SLC35F4: variants seen among roughly 807,000 people sequenced by gnomAD.
SLC35F4 encodes solute carrier family 35 member F4, also known as chromosome 14 open reading frame 36.
Under a neutral mutation model 44.2 loss-of-function variants are expected in SLC35F4, and 24 were observed. The ratio of observed to expected loss-of-function variants is 0.54; its 90% confidence interval spans 0.39 to 0.76. SLC35F4 has a LOEUF of 0.76. SLC35F4 is among the 30% of genes least tolerant of loss of function. The probability of loss-of-function intolerance (pLI) is 0.00; values close to 1 mark genes in which losing one functional copy is unlikely to be tolerated. For synonymous variants in SLC35F4, 238 were observed against 223.6 expected (o/e 1.06, Z -0.57); for missense variants, 562 against 586.1 (o/e 0.96, Z 0.42).
chr14:57,873,134 G>A (rs1287769661), intron 1 of SLC35F4, among the ~76,000 whole-genome samples: 1 of 152,100 alleles, frequency 6.6e-6, no homozygotes, highest in Non-Finnish European at 1.5e-5. Flanking sequence ...TGGAAATTAT[G>A]GGTTTGATTC....
intron 1 of SLC35F4, among the ~76,000 whole-genome samples, chr14:57,795,848 T>C (rs895769009): frequency 1.3e-5 from 2 of 152,132 alleles, no homozygotes; most frequent in African/African-American, 4.8e-5. Context: ...GTTTGTTACA[T>C]GGGCAAATTG....
At chr14:57,631,338 A>G (rs2072760920) in intron 1 of SLC35F4, among the ~76,000 whole-genome samples, 1 of 152,140 alleles carries the variant, frequency 6.6e-6, no homozygotes, top group African/African-American at 2.4e-5. Flanking sequence ...AATAGAAAAC[A>G]TCACAAAAAC....
intron 1 of SLC35F4, among the ~76,000 whole-genome samples, chr14:57,609,093 G>A (rs936630397): frequency 6.6e-6 from 1 of 152,134 alleles, no homozygotes; most frequent in Non-Finnish European, 1.5e-5. Flanking sequence ...TTAAGGAGTC[G>A]ATAAACCATC....
chr14:57,934,126 T>TA (rs1460359355), intron 1 of SLC35F4, among the ~76,000 whole-genome samples: 1 of 151,980 alleles, frequency 6.6e-6, no homozygotes, highest in African/African-American at 2.4e-5. Context: ...CAGTTATTTT[T>TA]AAAATTACTT....
At chr14:57,629,542 G>A (rs550298012) in intron 1 of SLC35F4, among the ~76,000 whole-genome samples, 3 of 152,204 alleles carry the variant, frequency 2.0e-5, no homozygotes, top group Admixed American at 6.5e-5. Context: ...TAAGAAGACT[G>A]TGATGTCATG....
intron 1 of SLC35F4, among the ~76,000 whole-genome samples, chr14:57,978,376 G>A (rs918956271): frequency 7.2e-5 from 11 of 152,162 alleles, no homozygotes; most frequent in African/African-American, 2.7e-4. Flanking sequence ...TGCCCACAGT[G>A]CCTATGCCAG....
chr14:57,666,981 A>C (rs2074331404), intron 1 of SLC35F4, among the ~76,000 whole-genome samples: 1 of 151,324 alleles, frequency 6.6e-6, no homozygotes, highest in Admixed American at 6.6e-5. Flanking sequence ...CTGGGGCTAC[A>C]ATTTGAGCTA....
At chr14:57,749,292 G>C (rs898052668) in intron 1 of SLC35F4, among the ~76,000 whole-genome samples, 15 of 152,058 alleles carry the variant, frequency 9.9e-5, no homozygotes, top group Non-Finnish European at 1.5e-4. Flanking sequence ...GCCACCCAAA[G>C]TATCTGTTAC....
chr14:57,907,822 T>C (rs1230269151), intron 1 of SLC35F4, among the ~76,000 whole-genome samples: 1 of 150,644 alleles, frequency 6.6e-6, no homozygotes, highest in Non-Finnish European at 1.5e-5. Context: ...TAATAAACCT[T>C]ATTTTTTTTT....
chr14:57,716,544 C>T (rs2075949272), intron 1 of SLC35F4, among the ~76,000 whole-genome samples: 1 of 152,124 alleles, frequency 6.6e-6, no homozygotes, highest in Non-Finnish European at 1.5e-5. Flanking sequence ...CATTATGTTA[C>T]TTTATGCTAT....
At chr14:57,955,450 G>A (rs1198550415) in intron 1 of SLC35F4, among the ~76,000 whole-genome samples, 1 of 152,158 alleles carries the variant, frequency 6.6e-6, no homozygotes, top group East Asian at 1.9e-4. Context: ...GGGCAAGCAG[G>A]CAAGAGAAAG....
chr14:57,925,673 G>A lies in SLC35F4; in HGVS notation n.282+56240C>T, dbSNP rs1266465014. ...TTTTTTTAATAAAAATGGCAGAATA[G>A]CATTTATTCACATTTTTAACAGGTT... On this transcript the variant is annotated intron_variant and non_coding_transcript_variant, in intron 1 of 1. Transcript: ENST00000556568. 4.6e-5 allele frequency among the ~76,000 whole-genome samples: 7 copies of A among 150,820 alleles called. No individual in the cohort carries two copies. In the East Asian group the frequency reaches 1.4e-3, roughly 29 times the overall value.
In SLC35F4 at chr14:57,771,818, G is replaced by A. The variant is rs755062175; in HGVS notation, c.103+93905C>T. On this transcript the variant is annotated intron_variant, in intron 1 of 7. Coordinates refer to ENST00000556826, the MANE Select transcript of SLC35F4 (RefSeq NM_001306087.2). ...TGTGTTGTCCAGGCTGGTTTTGAAC[G>A]CCTGCGCTCAAGCACTCTTTCTGCT... 9.9e-5 allele frequency among the ~76,000 whole-genome samples: 15 copies of A among 152,242 alleles called. 1 individual carries two copies. Among genetic ancestry groups the A allele is most frequent in the Admixed American group, 4.6e-4 (7 of 15,286 alleles).
At chr14:57,666,546 G>C (rs1020014996) in intron 1 of SLC35F4, among the ~76,000 whole-genome samples, 3 of 152,094 alleles carry the variant, frequency 2.0e-5, no homozygotes, top group African/African-American at 7.2e-5. Context: ...GGGAAACTCT[G>C]AACAGAGGAC....
chr14:57,619,878 G>T (rs571548633), intron 1 of SLC35F4, among the ~76,000 whole-genome samples: 3 of 151,996 alleles, frequency 2.0e-5, no homozygotes, highest in Non-Finnish European at 2.9e-5. Context: ...AACACAGCAC[G>T]AGAATTTCGT....
At chr14:57,776,518 T>C (rs1197585753) in intron 1 of SLC35F4, among the ~76,000 whole-genome samples, 1 of 151,700 alleles carries the variant, frequency 6.6e-6, no homozygotes, top group Non-Finnish European at 1.5e-5. Flanking sequence ...TACAAAAAAT[T>C]TGCCAGGAGT....
intron 1 of SLC35F4, among the ~76,000 whole-genome samples, chr14:57,858,081 G>A (rs889203332): frequency 6.6e-6 from 1 of 151,996 alleles, no homozygotes; most frequent in Non-Finnish European, 1.5e-5. Context: ...CACTGTTGGT[G>A]GGACTGTAAA....
intron 1 of SLC35F4, among the ~76,000 whole-genome samples, chr14:57,935,653 T>C (rs564981735): frequency 6.6e-6 from 1 of 152,342 alleles, no homozygotes; most frequent in African/African-American, 2.4e-5. Context: ...CTATCAGCTC[T>C]AAGGCCCAGA....
intron 1 of SLC35F4, among the ~76,000 whole-genome samples, chr14:57,739,386 G>C (rs995324718): frequency 6.6e-6 from 1 of 152,176 alleles, no homozygotes; most frequent in African/African-American, 2.4e-5. Context: ...CTGCTGGAAG[G>C]TTTCTTTGCA....
Sources: allele counts gnomAD v4.1 joint callset (sites outside exome capture counted in the v4.1 genomes callset), GRCh38; gene constraint gnomAD v4.1.1; transcripts MANE v1.5; gene names NCBI Gene and HGNC (gene_info 2026-07-23, HGNC 2026-07-21).